Variants in PLEKHA5 observed in about 807,000 individuals in gnomAD.
PLEKHA5 encodes the protein pleckstrin homology domain-containing family A member 5.
PLEKHA5 carries 55 observed loss-of-function variants against 181.9 expected under a neutral mutation model. The observed-to-expected ratio is 0.30, with a 90% CI of 0.24 to 0.38. PLEKHA5 has a LOEUF of 0.38. Among genes scored for constraint, PLEKHA5 ranks in the 10% least tolerant of loss-of-function variants. The pLI, the probability that PLEKHA5 is intolerant of heterozygous loss-of-function variation, is 1.00. For synonymous variants in PLEKHA5, 535 were observed against 529.4 expected, an observed-to-expected ratio of 1.01 and a Z score of -0.15; for missense variants, 1,432 against 1,549.5, an observed-to-expected ratio of 0.92 and a Z score of 1.27.
rs965203578 is a variant in PLEKHA5 at position 19,206,282 on chromosome 12, A to G, written c.228-47658A>G. 3.3e-5 allele frequency among the ~76,000 whole-genome samples: 5 copies of G among 152,198 alleles called. No individual in the cohort carries two copies. The South Asian group carries it at 6.2e-4, about 19-fold the overall frequency. ...CGTTTTCTCCATATTATGCTCTTATAATATTATGTAATATTTAAAATCTAT... is the reference window on the plus strand; with the variant it reads ...CGTTTTCTCCATATTATGCTCTTATGATATTATGTAATATTTAAAATCTAT... On this transcript the variant is annotated intron_variant, in intron 3 of 31. Coordinates refer to ENST00000429027, the MANE Select transcript of PLEKHA5 (RefSeq NM_001256470.2).
chr12:19,338,787 G>A (rs912024649), intron 21 of PLEKHA5, among the ~76,000 whole-genome samples: 8 of 151,448 alleles, frequency 5.3e-5, no homozygotes, highest in Non-Finnish European at 1.2e-4. Context: ...GGGAGGCTGT[G>A]GCAGGAGAAT....
intron 3 of PLEKHA5, among the ~76,000 whole-genome samples, chr12:19,231,613 A>T (rs369378974): frequency 0.12 from 3,868 of 31,002 alleles, 147 homozygotes; most frequent in Non-Finnish European, 0.23. Flanking sequence ...TATATATATA[A>T]ATACTCATAA....
intron 3 of PLEKHA5, among the ~76,000 whole-genome samples, chr12:19,171,643 G>A (rs1329398727): frequency 6.6e-6 from 1 of 152,046 alleles, no homozygotes; most frequent in Non-Finnish European, 1.5e-5. Flanking sequence ...ACAGGCATGA[G>A]CCACCATGCC....
intron 26 of PLEKHA5, among the ~76,000 whole-genome samples, chr12:19,354,834 C>G (rs1211447065): frequency 6.6e-6 from 1 of 152,122 alleles, no homozygotes; most frequent in East Asian, 1.9e-4. Flanking sequence ...TAGTCAACAC[C>G]TAATTTAAGT....
At chr12:19,247,294 A>G (rs1286696210) in intron 3 of PLEKHA5, among the ~76,000 whole-genome samples, 1 of 152,254 alleles carries the variant, frequency 6.6e-6, no homozygotes, top group Admixed American at 6.5e-5. Context: ...AGTAGTTTAT[A>G]GGAGCTGTGT....
intron 3 of PLEKHA5, chr12:19,243,481 G>A (rs1294232724): frequency 1.3e-5 from 2 of 152,352 alleles, no homozygotes; most frequent in South Asian, 2.1e-4. Flanking sequence ...AGCTGTTATG[G>A]TGGTGATCAT....
At chr12:19,314,692 A>C in intron 15 of PLEKHA5, 122 bp from the exon 16 acceptor site, 1 of 689,958 alleles carries the variant, frequency 1.4e-6, no homozygotes, top group Non-Finnish European at 2.7e-6. Flanking sequence ...CATGGGGTAA[A>C]ATGTAAACAA....
At chr12:19,233,661 G>A (rs1272525958) in intron 3 of PLEKHA5, among the ~76,000 whole-genome samples, 2 of 152,108 alleles carry the variant, frequency 1.3e-5, no homozygotes, top group Non-Finnish European at 2.9e-5. Context: ...GCACTGAGAA[G>A]TAAAGTAACA....
At chr12:19,340,454 C>T (rs1443412436) in intron 21 of PLEKHA5, among the ~76,000 whole-genome samples, 2 of 134,528 alleles carry the variant, frequency 1.5e-5, no homozygotes, top group Non-Finnish European at 3.4e-5. Context: ...GGGAGGTGTA[C>T]TCAACAGCTC....
chr12:19,309,119 T>C (rs2085378821), intron 15 of PLEKHA5, among the ~76,000 whole-genome samples: 2 of 151,930 alleles, frequency 1.3e-5, no homozygotes, highest in Non-Finnish European at 2.9e-5. Context: ...TGTAGCAAAA[T>C]TTTTGTGATT....
intron 4 of PLEKHA5, among the ~76,000 whole-genome samples, 177 bp downstream of exon 4, chr12:19,254,200 A>G (rs926093691): frequency 2.0e-5 from 3 of 152,180 alleles, no homozygotes; most frequent in Non-Finnish European, 4.4e-5. Context: ...CATTTTTTTC[A>G]TGAAGAATGT....
chr12:19,303,487 C>G (rs1391014132), intron 15 of PLEKHA5: 1 of 152,174 alleles, frequency 6.6e-6, no homozygotes, highest in Admixed American at 6.6e-5. Flanking sequence ...GTAGCTGGCA[C>G]AGTGGCGCAA....
intron 20 of PLEKHA5, among the ~76,000 whole-genome samples, chr12:19,330,569 C>T (rs536381519): frequency 2.7e-5 from 4 of 150,012 alleles, no homozygotes; most frequent in South Asian, 4.3e-4. Flanking sequence ...AGTATAAATT[C>T]GTAAAAAAAA....
chr12:19,318,654 G>A (rs902335981), intron 16 of PLEKHA5, among the ~76,000 whole-genome samples: 8 of 152,128 alleles, frequency 5.3e-5, no homozygotes, highest in African/African-American at 1.9e-4. Context: ...TGGGCGTGGT[G>A]GCTCACGCCT....
chr12:19,363,305 C>G (rs957916238), intron 29 of PLEKHA5, among the ~76,000 whole-genome samples: 1 of 151,270 alleles, frequency 6.6e-6, no homozygotes, highest in Non-Finnish European at 1.5e-5. Flanking sequence ...GCGCGTGTCA[C>G]CACGCATGGC....
At chr12:19,182,131 A>G (rs2048757527) in intron 3 of PLEKHA5, among the ~76,000 whole-genome samples, 1 of 152,204 alleles carries the variant, frequency 6.6e-6, no homozygotes, top group Non-Finnish European at 1.5e-5. Flanking sequence ...AGACTTATTT[A>G]TATACCAATT....
At chr12:19,246,289 T>A (rs920856173) in intron 3 of PLEKHA5, among the ~76,000 whole-genome samples, 6 of 151,698 alleles carry the variant, frequency 4.0e-5, no homozygotes, top group Non-Finnish European at 7.4e-5. Context: ...GCTGCTTTGT[T>A]ATATATATGT....
intron 8 of PLEKHA5, among the ~76,000 whole-genome samples, chr12:19,267,002 C>T (rs1013425369): frequency 2.0e-5 from 3 of 152,066 alleles, no homozygotes; most frequent in Non-Finnish European, 4.4e-5. Flanking sequence ...CTGAGATCCC[C>T]TTCCCTGATT....
chr12:19,152,972 G>A (rs2040793075), intron 3 of PLEKHA5: 1 of 149,402 alleles, frequency 6.7e-6, no homozygotes, highest in Non-Finnish European at 1.5e-5. Context: ...AATTATGTCA[G>A]TCTTCTGTAA....
Sources: allele counts gnomAD v4.1 joint callset (sites outside exome capture counted in the v4.1 genomes callset), GRCh38; gene constraint gnomAD v4.1.1; transcripts MANE v1.5; gene names NCBI Gene and HGNC (gene_info 2026-07-23, HGNC 2026-07-21).